Variants in SEMA3A observed in about 807,000 individuals in gnomAD.
SEMA3A encodes semaphorin-3A.
A neutral mutation model predicts 97.9 loss-of-function variants in SEMA3A; 29 were observed. The ratio of observed to expected loss-of-function variants is 0.30; its 90% CI spans 0.22 to 0.40. The LOEUF (loss-of-function observed/expected upper bound fraction) is 0.40. SEMA3A is among the 10% of genes least tolerant of loss of function. The probability of loss-of-function intolerance (pLI) is 1.00; values close to 1 mark genes in which losing one functional copy is unlikely to be tolerated. For missense variants in SEMA3A, 763 were observed against 951.3 expected (o/e 0.80, Z 2.60); for synonymous variants, 321 against 323.7 (o/e 0.99, Z 0.09).
chr7:84,150,806 G>A (rs1796630698), intron 1 of SEMA3A, among the ~76,000 whole-genome samples: 1 of 152,012 alleles, frequency 6.6e-6, no homozygotes, highest in African/African-American at 2.4e-5. Flanking sequence ...CAAACAAAAA[G>A]ACAGCAGTAA....
chr7:84,083,409 T>C (rs1253845749), intron 4 of SEMA3A, among the ~76,000 whole-genome samples: 2 of 149,760 alleles, frequency 1.3e-5, no homozygotes, highest in African/African-American at 5.0e-5. Context: ...AATTGGGATA[T>C]CTATCACCTT....
chr7:84,086,219 A>T (rs770617225), intron 4 of SEMA3A, among the ~76,000 whole-genome samples: 1 of 151,684 alleles, frequency 6.6e-6, no homozygotes, highest in Non-Finnish European at 1.5e-5. Context: ...ACATGCATTA[A>T]ACCACAGCAG....
At chr7:84,036,263 T>C (rs529038988) in intron 6 of SEMA3A, among the ~76,000 whole-genome samples, 1 of 152,146 alleles carries the variant, frequency 6.6e-6, no homozygotes, top group Non-Finnish European at 1.5e-5. Context: ...TATGATCCTA[T>C]AGATGTATTA....
chr7:84,402,525 T>C (rs1252402673), intron 1 of SEMA3A, among the ~76,000 whole-genome samples: 2 of 152,148 alleles, frequency 1.3e-5, no homozygotes, highest in Non-Finnish European at 2.9e-5. Flanking sequence ...AATCAGTATA[T>C]CAAAGAGATA....
chr7:83,966,820 T>G (rs1259058704), intron 15 of SEMA3A, among the ~76,000 whole-genome samples: 1 of 152,066 alleles, frequency 6.6e-6, no homozygotes, highest in Non-Finnish European at 1.5e-5. Context: ...CAAGCGATTC[T>G]CCTGCCTCAG....
chr7:84,042,466 C>T (rs1484764040), intron 6 of SEMA3A, among the ~76,000 whole-genome samples: 4 of 152,034 alleles, frequency 2.6e-5, no homozygotes, highest in Non-Finnish European at 5.9e-5. Context: ...TGCCCTTTCA[C>T]CCTGACTCAA....
intron 3 of SEMA3A, among the ~76,000 whole-genome samples, chr7:84,223,823 T>C (rs1204613948): frequency 6.6e-6 from 1 of 151,850 alleles, no homozygotes; most frequent in African/African-American, 2.4e-5. Flanking sequence ...ATGGAAATCT[T>C]AACTGAACCC....
At chr7:84,414,213 C>A (rs911794289) in intron 1 of SEMA3A, among the ~76,000 whole-genome samples, 1 of 151,962 alleles carries the variant, frequency 6.6e-6, no homozygotes, top group Non-Finnish European at 1.5e-5. Context: ...AATCTGGAAG[C>A]TATGCACCTG....
At chr7:84,425,592 A>C (rs1028604234) in intron 1 of SEMA3A, among the ~76,000 whole-genome samples, 14 of 146,634 alleles carry the variant, frequency 9.5e-5, no homozygotes, top group Non-Finnish European at 1.8e-4. Context: ...ATATAAATAT[A>C]AACATATTGA....
chr7:84,239,743 C>T (rs1799316270), intron 3 of SEMA3A, among the ~76,000 whole-genome samples: 1 of 152,092 alleles, frequency 6.6e-6, no homozygotes, highest in South Asian at 2.1e-4. Flanking sequence ...AAACCACATA[C>T]TAATTTTTAC....
intron 12 of SEMA3A, 78 bp downstream of exon 12, chr7:84,001,877 C>G (rs1790467798): frequency 1.1e-6 from 1 of 943,726 alleles, no homozygotes; most frequent in Admixed American, 2.1e-5. Context: ...CTTGTCCATA[C>G]CAAGTTCAGT....
At chr7:84,132,339 T>C (rs985757923) in intron 2 of SEMA3A, among the ~76,000 whole-genome samples, 1 of 152,128 alleles carries the variant, frequency 6.6e-6, no homozygotes, top group African/African-American at 2.4e-5. Flanking sequence ...TTAAGTATAT[T>C]TGGTAAAAGA....
intron 15 of SEMA3A, among the ~76,000 whole-genome samples, chr7:83,974,488 T>C (rs1189703223): frequency 6.6e-6 from 1 of 152,194 alleles, no homozygotes; most frequent in Non-Finnish European, 1.5e-5. Context: ...TTCATGTTGC[T>C]TACCAGCTTT....
chr7:84,027,424 A>T (rs1054784429), intron 6 of SEMA3A, among the ~76,000 whole-genome samples: 1 of 152,168 alleles, frequency 6.6e-6, no homozygotes, highest in African/African-American at 2.4e-5. Flanking sequence ...GCATTTTTAT[A>T]ATACAGTATT....
chr7:84,394,550 A>C (rs906346033), intron 1 of SEMA3A, among the ~76,000 whole-genome samples: 1 of 152,144 alleles, frequency 6.6e-6, no homozygotes, highest in African/African-American at 2.4e-5. Context: ...TCTAAACATT[A>C]AGTTGCCTTC....
chr7:83,983,072 T>C (rs1789481384), intron 13 of SEMA3A, among the ~76,000 whole-genome samples: 1 of 152,060 alleles, frequency 6.6e-6, no homozygotes, highest in Non-Finnish European at 1.5e-5. Context: ...TTTGCTATAT[T>C]CAACTTTTAT....
At chr7:84,377,917 T>A (rs1044565803) in intron 1 of SEMA3A, among the ~76,000 whole-genome samples, 1 of 152,132 alleles carries the variant, frequency 6.6e-6, no homozygotes, top group Non-Finnish European at 1.5e-5. Flanking sequence ...TTACTGCTGA[T>A]CAAAATCTAT....
At chr7:84,248,735 TCCTC>T (rs986606290) in intron 3 of SEMA3A, among the ~76,000 whole-genome samples, 20 of 151,852 alleles carry the variant, frequency 1.3e-4, no homozygotes, top group Non-Finnish European at 1.6e-4. Flanking sequence ...CTCTCTCTGA[TCCTC>T]CCTCCCTCCC....
chr7:84,094,031 A>G (rs7808864), intron 4 of SEMA3A, among the ~76,000 whole-genome samples: 125,486 of 152,066 alleles, frequency 0.83, 51,964 homozygotes, highest in African/African-American at 0.89. Flanking sequence ...TCTGTACACA[A>G]AGGCTACCAG....
Sources: allele counts gnomAD v4.1 joint callset (sites outside exome capture counted in the v4.1 genomes callset), GRCh38; gene constraint gnomAD v4.1.1; transcripts MANE v1.5; gene names NCBI Gene and HGNC (gene_info 2026-07-23, HGNC 2026-07-21).